Variants in SFSWAP observed in about 807,000 individuals in gnomAD.
SFSWAP encodes splicing factor SWAP, also known as splicing factor, suppressor of white-apricot homolog.
SFSWAP carries 17 observed loss-of-function variants against 100.7 expected under a neutral mutation model. That is an observed-to-expected ratio of 0.17 (90% CI 0.12 to 0.25). The LOEUF (loss-of-function observed/expected upper bound fraction) is 0.25. Ranked by LOEUF, SFSWAP falls within the 10% of genes least tolerant of loss-of-function variation. The pLI is 1.00. For synonymous variants in SFSWAP, 504 were observed against 510.1 expected, an observed-to-expected ratio of 0.99 and a Z score of 0.16; for missense variants, 1,005 against 1,262.6, an observed-to-expected ratio of 0.80 and a Z score of 3.09.
At chr12:131,764,822 A>C (rs1450005101) in intron 12 of SFSWAP, 136 bp downstream of exon 12, 6 of 653,516 alleles carry the variant, frequency 9.2e-6, no homozygotes, top group African/African-American at 9.1e-5. Flanking sequence ...GGAGTTGTGT[A>C]ACATGTCTGA....
chr12:131,791,041 C>T (rs756124319), intron 15 of SFSWAP, among the ~76,000 whole-genome samples: 18 of 152,112 alleles, frequency 1.2e-4, no homozygotes, highest in Admixed American at 2.6e-4. Context: ...AAAATAATTA[C>T]ATTAAATGTA....
At chr12:131,771,062 C>A (rs772356999) in intron 13 of SFSWAP, among the ~76,000 whole-genome samples, 5 of 152,164 alleles carry the variant, frequency 3.3e-5, no homozygotes, top group African/African-American at 4.8e-5. Flanking sequence ...TGCATCTACC[C>A]CGTTTGTTTC....
intron 13 of SFSWAP, among the ~76,000 whole-genome samples, chr12:131,769,589 G>T (rs1002385173): frequency 6.6e-6 from 1 of 152,022 alleles, no homozygotes; most frequent in Non-Finnish European, 1.5e-5. Flanking sequence ...TACAGCTTAG[G>T]TCTGTGTCCT....
intron 13 of SFSWAP, among the ~76,000 whole-genome samples, chr12:131,776,864 G>A (rs1884066287): frequency 6.6e-6 from 1 of 152,256 alleles, no homozygotes; most frequent in Non-Finnish European, 1.5e-5. Flanking sequence ...GGTAAAGAGG[G>A]GCAGGCTGCA....
intron 13 of SFSWAP, among the ~76,000 whole-genome samples, chr12:131,769,964 G>A (rs1593170468): frequency 1.3e-5 from 2 of 152,194 alleles, no homozygotes; most frequent in South Asian, 4.2e-4. Flanking sequence ...GCTCTCCCTG[G>A]ATATATGTGT....
At chr12:131,760,320 T>A (rs557577001) in intron 11 of SFSWAP, among the ~76,000 whole-genome samples, 2 of 152,246 alleles carry the variant, frequency 1.3e-5, no homozygotes, top group South Asian at 2.1e-4. Context: ...AGAAAGAGCT[T>A]TTATAAATCA....
intron 7 of SFSWAP, among the ~76,000 whole-genome samples, chr12:131,739,910 G>A (rs991232016): frequency 6.6e-6 from 1 of 152,062 alleles, no homozygotes; most frequent in Non-Finnish European, 1.5e-5. Context: ...CTCCTTTTGA[G>A]TTATTTATTC....
At chr12:131,771,384 C>G (rs1340250201) in intron 13 of SFSWAP, among the ~76,000 whole-genome samples, 1 of 152,184 alleles carries the variant, frequency 6.6e-6, no homozygotes. Context: ...CCGCTTTCAC[C>G]CAATCTGTGT....
intron 13 of SFSWAP, among the ~76,000 whole-genome samples, chr12:131,767,348 G>C (rs954818682): frequency 6.6e-6 from 1 of 152,244 alleles, no homozygotes; most frequent in South Asian, 2.1e-4. Flanking sequence ...ATTCTTTATA[G>C]TAGTTATGTC....
intron 7 of SFSWAP, among the ~76,000 whole-genome samples, chr12:131,740,443 T>A (rs1279302927): frequency 1.3e-5 from 2 of 152,190 alleles, no homozygotes; most frequent in African/African-American, 4.8e-5. Flanking sequence ...TTTATTAACT[T>A]AATTGCCCAT....
chr12:131,790,611 A>G (rs559838606), intron 15 of SFSWAP, among the ~76,000 whole-genome samples: 1 of 152,188 alleles, frequency 6.6e-6, no homozygotes. Context: ...GGCTTTTCAC[A>G]AGAATATTGA....
chr12:131,763,236 A>G (rs1213338405), intron 11 of SFSWAP, among the ~76,000 whole-genome samples: 5 of 152,170 alleles, frequency 3.3e-5, no homozygotes, highest in African/African-American at 9.7e-5. Flanking sequence ...ACCCTGTGCT[A>G]CAGAGGTGGC....
intron 7 of SFSWAP, among the ~76,000 whole-genome samples, chr12:131,745,809 T>C (rs1881051308): frequency 6.7e-6 from 1 of 149,964 alleles, no homozygotes; most frequent in African/African-American, 2.5e-5. Flanking sequence ...TTACATTAAA[T>C]AGTGGAATTG....
At chr12:131,741,540 G>A (rs1880630691) in intron 7 of SFSWAP, among the ~76,000 whole-genome samples, 1 of 151,934 alleles carries the variant, frequency 6.6e-6, no homozygotes, top group African/African-American at 2.4e-5. Context: ...GGGAGAGTGA[G>A]GTGTGGGGGT....
At chr12:131,790,824 T>G (rs1349644381) in intron 15 of SFSWAP, among the ~76,000 whole-genome samples, 1 of 152,200 alleles carries the variant, frequency 6.6e-6, no homozygotes, top group Non-Finnish European at 1.5e-5. Flanking sequence ...AAATGTTAAT[T>G]CCAGGTAGAC....
intron 14 of SFSWAP, among the ~76,000 whole-genome samples, chr12:131,780,586 C>G (rs1265428820): frequency 2.0e-5 from 3 of 152,172 alleles, no homozygotes; most frequent in Non-Finnish European, 2.9e-5. Context: ...TTGAGCTGAG[C>G]TCAGGAGTTT....
At chr12:131,749,238 A>G (rs1253177998) in intron 7 of SFSWAP, among the ~76,000 whole-genome samples, 1 of 152,174 alleles carries the variant, frequency 6.6e-6, no homozygotes, top group Non-Finnish European at 1.5e-5. Context: ...TTGTCAGTGT[A>G]TGGTGGGGTT....
At position 131,750,586 on chromosome 12, in the gene SFSWAP, T is replaced by TAAACCAC. The variant is rs1263849518; in HGVS notation, c.1082-2537_1082-2536insAAACCAC. Among the ~76,000 whole-genome samples the TAAACCAC allele has an allele frequency of 7.2e-5, 11 of 152,312 alleles. No homozygotes were observed. The East Asian group carries it at 2.1e-3, about 29-fold the overall frequency. On this transcript the variant is annotated intron_variant, in intron 7 of 17. Coordinates refer to ENST00000261674, the MANE Select transcript of SFSWAP (RefSeq NM_004592.4). ...AGAGCATTGTCAGCCTGAGTGGTTT[T>TAAACCAC]TAGCGTGGAGCCTCTGAAGCAAGTT...
Position 131,730,978 on chromosome 12 carries a change from C to T in SFSWAP, c.1081+2550C>T, listed in dbSNP as rs1730031221. On this transcript the variant is annotated intron_variant, in intron 7 of 17. Transcript: ENST00000261674. This position sits in a 1 kb window ranked among gnomAD's most constrained non-coding sequence, Gnocchi z 4.0. ...GTCTGTGGGTTTTAGACATATGCTC[C>T]TGCATCAGCCATAGGGGTCAGAGCC... is the stretch of plus-strand genomic sequence containing the variant. Among the ~76,000 whole-genome samples the T allele has an allele frequency of 6.6e-6, 1 of 152,198 alleles. No homozygotes were observed. The highest frequency in any genetic ancestry group is 2.4e-5 in the African/African-American group (1 of 41,434).
Sources: gnomAD v4.1 joint callset for allele counts (sites outside exome capture counted in the v4.1 genomes callset) on GRCh38, gnomAD v4.1.1 for gene constraint, Gnocchi (gnomAD v3.1) non-coding constraint, MANE v1.5 for transcripts, NCBI Gene and HGNC (gene_info 2026-07-23, HGNC 2026-07-21) for gene names.